Variants in MED15 observed in about 807,000 individuals in gnomAD.
MED15 encodes mediator of RNA polymerase II transcription subunit 15.
MED15 carries 41 observed loss-of-function variants against 118.7 expected under a neutral mutation model. The observed-to-expected ratio is 0.35, with a 90% CI of 0.27 to 0.45. The LOEUF is 0.45. MED15 is among the 20% of genes least tolerant of loss of function. MED15 has a pLI of 1.00. For missense variants in MED15, 740 were observed against 1,025.5 expected (o/e 0.72, Z 3.80); for synonymous variants, 436 against 413.9 (o/e 1.05, Z -0.65).
intron 2 of MED15, among the ~76,000 whole-genome samples, chr22:20,550,645 G>A (rs2055731202): frequency 6.6e-6 from 1 of 152,266 alleles, no homozygotes; most frequent in South Asian, 2.1e-4. Context: ...TTCAGCAGAA[G>A]ACAAGGATGC....
chr22:20,555,183 T>C (rs1236687556), intron 5 of MED15, 35 bp downstream of exon 5: 5 of 1,530,040 alleles, frequency 3.3e-6, no homozygotes, highest in Non-Finnish European at 4.4e-6. Context: ...TTTGCCGCTT[T>C]CCTTGCAAAC....
intron 1 of MED15, among the ~76,000 whole-genome samples, chr22:20,533,805 T>G (rs540331941): frequency 7.2e-5 from 11 of 152,322 alleles, no homozygotes; most frequent in African/African-American, 2.4e-4. Context: ...CGTCTGCCAG[T>G]ACATCCCCTG....
At chr22:20,565,859 G>A (rs2056417521) in intron 6 of MED15, among the ~76,000 whole-genome samples, 1 of 152,100 alleles carries the variant, frequency 6.6e-6, no homozygotes. Context: ...TTCTAGGTAT[G>A]CCCTTTGAAC....
intron 6 of MED15, among the ~76,000 whole-genome samples, chr22:20,565,304 G>C (rs2056396131): frequency 6.6e-6 from 1 of 152,170 alleles, no homozygotes; most frequent in Admixed American, 6.5e-5. Context: ...GAAGCAAGAA[G>C]TGAGACGAAC....
chr22:20,586,725 C>T lies in MED15; in HGVS notation c.*21C>T, dbSNP rs12484193. The T allele has an allele frequency of 0.026, 41,834 of 1,611,088 alleles. 672 individuals carry two copies. Among genetic ancestry groups the T allele is most frequent in the South Asian group, 0.058 (5,291 of 91,022 alleles). ...CCTAGCCAAGACTGCAGGGATGGCC[C>T]GCAGCCTCATCGGGGCCAAGGACAC... On this transcript the variant is annotated 3_prime_UTR_variant, in exon 18 of 18. Coordinates refer to ENST00000263205, the MANE Select transcript of MED15 (RefSeq NM_001003891.3).
intron 2 of MED15, among the ~76,000 whole-genome samples, chr22:20,549,827 A>G (rs1412829663): frequency 6.6e-6 from 1 of 152,098 alleles, no homozygotes; most frequent in Non-Finnish European, 1.5e-5. Context: ...CTGCAGGATG[A>G]TGATGCCTGC....
At position 20,568,533 on chromosome 22, in the gene MED15, ATGG is replaced by A. The variant is rs1234986780; in HGVS notation, c.1060_1062del (p.Val354del). The A allele has an allele frequency of 7.4e-6, 12 of 1,613,672 alleles. No individual in the cohort carries two copies. The highest frequency in any genetic ancestry group is 1.0e-5 in the Non-Finnish European group (12 of 1,179,998). On this transcript the variant is annotated inframe_deletion, in exon 8 of 18. Coordinates refer to ENST00000263205, the MANE Select transcript of MED15 (RefSeq NM_001003891.3). ...TTTCTCCCTCAAGGTCCGAGCTCCGATGGTGGTGCAGCAGCCCCCAGTGCAGCC... is the reference window on the plus strand; with the variant it reads ...TTTCTCCCTCAAGGTCCGAGCTCCGATGGTGCAGCAGCCCCCAGTGCAGCC...
chr22:20,535,922 G>C (rs1192059250), intron 1 of MED15, among the ~76,000 whole-genome samples: 5 of 141,656 alleles, frequency 3.5e-5, no homozygotes, highest in African/African-American at 1.3e-4. Flanking sequence ...CTGTCACCCA[G>C]GCTGGAGTGC....
In MED15 at chr22:20,587,264, C is replaced by T. The variant is rs150690002; in HGVS notation, c.*560C>T. On this transcript the variant is annotated 3_prime_UTR_variant, in exon 18 of 18. Coordinates refer to ENST00000263205, the MANE Select transcript of MED15 (RefSeq NM_001003891.3). ...CTGGCCCATAGGTGCTGCTGGCTCC[C>T]CGCCACCAGCTGGGCCTCAGCCCTC... 0.017 allele frequency: 2,610 copies of T among 157,104 alleles called. 41 individuals carry two copies. The highest frequency in any genetic ancestry group is 0.025 in the South Asian group (126 of 5,140). The allele number at this position is 157,104 out of a possible 1,614,324, so 9.7% of individuals were successfully genotyped here.
chr22:20,551,254 C>T (rs772475715), intron 2 of MED15, 182 bp from the exon 3 acceptor site: 3 of 736,586 alleles, frequency 4.1e-6, no homozygotes, highest in South Asian at 1.4e-5. Flanking sequence ...ATTGGCCAGC[C>T]TAGCTGAGCA....
chr22:20,563,885 A>G (rs1251856141), intron 5 of MED15, among the ~76,000 whole-genome samples: 1 of 152,226 alleles, frequency 6.6e-6, no homozygotes, highest in Non-Finnish European at 1.5e-5. Flanking sequence ...TGTTCACCCC[A>G]AAAGAAACCT....
In MED15 at chr22:20,575,247, G is replaced by T; in HGVS notation, c.1272+15G>T. The T allele has an allele frequency of 6.2e-7, 1 of 1,612,122 alleles. No individual in the cohort carries two copies. Among genetic ancestry groups the T allele is most frequent in the African/African-American group, 1.3e-5 (1 of 75,064 alleles). Reference sequence around the variant, plus strand: ...CCATGGCACAGGTATTTACGGGGCAGCGCCCAGGGCACGGCTGGGAGCTCG... The same window carrying T: ...CCATGGCACAGGTATTTACGGGGCATCGCCCAGGGCACGGCTGGGAGCTCG... On this transcript the variant is annotated intron_variant, in intron 9 of 17. Coordinates refer to ENST00000263205, the MANE Select transcript of MED15 (RefSeq NM_001003891.3).
chr22:20,573,907 C>G (rs2056745026), intron 8 of MED15: 2 of 152,206 alleles, frequency 1.3e-5, no homozygotes, highest in Admixed American at 1.3e-4. Flanking sequence ...TTCGTGTCTC[C>G]CCCCGGTCGG....
chr22:20,583,280 T>C, intron 12 of MED15, 33 bp downstream of exon 12: 1 of 1,613,302 alleles, frequency 6.2e-7, no homozygotes, highest in Middle Eastern at 1.7e-4. Context: ...GCCTGCACCC[T>C]GGGGACACCA....
rs779470796 is a variant in MED15, at chr22:20,584,869, G to T, written c.1818G>T (p.Pro606=). 2 of 1,609,278 alleles carry T rather than the reference G, an allele frequency of 1.2e-6. No individual in the cohort carries two copies. The highest frequency in any genetic ancestry group is 1.7e-6 in the Non-Finnish European group (2 of 1,178,314). The change falls in exon 15 of 18, where the codon CCG becomes CCT. Residue 606 remains proline, a synonymous_variant. Transcript: ENST00000263205. ...CCTGTCTCCAGCCCACTCCCCCACC[G>T]CCCCCGGTGCCACCGACCAAACAGC... ...KNDMAVPTPP[P]PPVPPTKQQY...
At chr22:20,537,007 G>C in intron 1 of MED15, 110 bp from the exon 2 acceptor site, 1 of 943,000 alleles carries the variant, frequency 1.1e-6, no homozygotes, top group Non-Finnish European at 1.6e-6. Flanking sequence ...GTGTGCTGGC[G>C]ATAGCACCTT....
intron 6 of MED15, among the ~76,000 whole-genome samples, chr22:20,565,081 C>T (rs756545851): frequency 6.6e-6 from 1 of 152,166 alleles, no homozygotes; most frequent in Non-Finnish European, 1.5e-5. Context: ...GCCGAGATCG[C>T]GCCGCTGCGC....
intron 5 of MED15, among the ~76,000 whole-genome samples, chr22:20,562,735 A>G (rs2056292417): frequency 6.6e-6 from 1 of 152,130 alleles, no homozygotes; most frequent in South Asian, 2.1e-4. Context: ...TCACAAAATA[A>G]ATTAAAAATT....
intron 2 of MED15, among the ~76,000 whole-genome samples, chr22:20,550,027 A>C (rs2055707115): frequency 6.6e-6 from 1 of 152,186 alleles, no homozygotes; most frequent in Non-Finnish European, 1.5e-5. Flanking sequence ...AATTCATTTA[A>C]AGTATCGCAG....
Sources: gnomAD v4.1 joint callset for allele counts (sites outside exome capture counted in the v4.1 genomes callset) on GRCh38, gnomAD v4.1.1 for gene constraint, MANE v1.5 for transcripts, NCBI Gene and HGNC (gene_info 2026-07-23, HGNC 2026-07-21) for gene names.